Variants in ENOX1 observed in about 807,000 individuals in gnomAD.
The protein encoded by ENOX1 is ecto-NOX disulfide-thiol exchanger 1, also known as candidate growth-related and time keeping constitutive hydroquinone (NADH) oxidase.
Under a neutral mutation model 82.5 loss-of-function variants are expected in ENOX1, and 42 were observed. The observed-to-expected ratio is 0.51, with a 90% CI of 0.40 to 0.66. The LOEUF is 0.66. Ranked by LOEUF, ENOX1 falls within the 30% of genes least tolerant of loss-of-function variation. The pLI is 0.00. For missense variants in ENOX1, 608 were observed against 811.6 expected (o/e 0.75, Z 3.05); for synonymous variants, 271 against 282.2 (o/e 0.96, Z 0.40).
chr13:43,494,234 T>C (rs986904547), intron 2 of ENOX1, among the ~76,000 whole-genome samples: 3 of 152,270 alleles, frequency 2.0e-5, no homozygotes, highest in Admixed American at 1.3e-4. Flanking sequence ...ATAATCACAA[T>C]TAACTAATAC....
At chr13:43,456,557 C>T (rs976863775) in intron 3 of ENOX1, among the ~76,000 whole-genome samples, 4 of 151,984 alleles carry the variant, frequency 2.6e-5, no homozygotes, top group African/African-American at 9.7e-5. Context: ...TAAGAATCTC[C>T]AAACCCCTGC....
At chr13:43,248,273 C>T (rs1380116862) in intron 14 of ENOX1, among the ~76,000 whole-genome samples, 1 of 151,956 alleles carries the variant, frequency 6.6e-6, no homozygotes, top group Admixed American at 6.6e-5. Context: ...ACAGGCCAGA[C>T]CTCATGGGTG....
chr13:43,434,332 G>A (rs577676372), intron 3 of ENOX1, among the ~76,000 whole-genome samples: 61 of 152,304 alleles, frequency 4.0e-4, no homozygotes, highest in African/African-American at 1.4e-3. Flanking sequence ...CATCCAAGGA[G>A]CTAGTCGCTC....
chr13:43,774,392 G>A (rs1951805391), intron 1 of ENOX1, among the ~76,000 whole-genome samples: 1 of 152,150 alleles, frequency 6.6e-6, no homozygotes, highest in Admixed American at 6.5e-5. Flanking sequence ...AACGGAAAAT[G>A]GAGAAGAAAC....
intron 3 of ENOX1, among the ~76,000 whole-genome samples, chr13:43,442,292 T>C (rs1191380427): frequency 2.6e-5 from 4 of 152,256 alleles, no homozygotes; most frequent in South Asian, 2.1e-4. Context: ...TCAAGTGTTT[T>C]ATTTATGCAC....
chr13:43,313,728 TG>T (rs1352679934), intron 11 of ENOX1, among the ~76,000 whole-genome samples: 1 of 152,236 alleles, frequency 6.6e-6, no homozygotes, highest in Non-Finnish European at 1.5e-5. Context: ...CATGCTGGTT[TG>T]TAACTGCTTT....
At chr13:43,359,722 G>T in intron 7 of ENOX1, 129 bp downstream of exon 7, 1 of 857,226 alleles carries the variant, frequency 1.2e-6, no homozygotes, top group Non-Finnish European at 1.8e-6. Context: ...GAAGAAGGCA[G>T]AATTCCTCCT....
At chr13:43,467,116 G>C (rs1402586990) in intron 3 of ENOX1, among the ~76,000 whole-genome samples, 1 of 152,116 alleles carries the variant, frequency 6.6e-6, no homozygotes, top group Non-Finnish European at 1.5e-5. Flanking sequence ...GTGAATGTAT[G>C]TTTTCAGTTC....
At chr13:43,448,027 G>A (rs938416084) in intron 3 of ENOX1, among the ~76,000 whole-genome samples, 4 of 152,164 alleles carry the variant, frequency 2.6e-5, no homozygotes, top group African/African-American at 4.8e-5. Flanking sequence ...TTTCAATTAA[G>A]ACAGTAATAT....
At chr13:43,217,404 A>G (rs1045072876) in intron 16 of ENOX1, among the ~76,000 whole-genome samples, 1 of 152,180 alleles carries the variant, frequency 6.6e-6, no homozygotes, top group Non-Finnish European at 1.5e-5. Flanking sequence ...CTTGGCTAGC[A>G]TGTACTGAAA....
At chr13:43,616,602 A>G (rs1402932797) in intron 2 of ENOX1, among the ~76,000 whole-genome samples, 1 of 152,126 alleles carries the variant, frequency 6.6e-6, no homozygotes, top group Non-Finnish European at 1.5e-5. Flanking sequence ...TAATTGACAC[A>G]TGACCTAGGA....
intron 10 of ENOX1, 56 bp downstream of exon 10, chr13:43,326,363 T>C (rs2048115415): frequency 6.8e-7 from 1 of 1,478,044 alleles, no homozygotes; most frequent in African/African-American, 1.4e-5. Context: ...GCCATGCTAT[T>C]CTCTGCCAAT....
intron 2 of ENOX1, among the ~76,000 whole-genome samples, chr13:43,658,205 T>C (rs544796738): frequency 1.3e-4 from 20 of 152,372 alleles, no homozygotes; most frequent in Non-Finnish European, 2.6e-4. Flanking sequence ...TGAAGTTTTA[T>C]ATCTACTTAA....
chr13:43,371,213 G>A (rs1272983476), intron 5 of ENOX1, among the ~76,000 whole-genome samples: 1 of 152,164 alleles, frequency 6.6e-6, no homozygotes, highest in Non-Finnish European at 1.5e-5. Flanking sequence ...TTATGGTGCG[G>A]GAGCAGACAG....
chr13:43,314,749 T>C (rs1380787796), intron 11 of ENOX1, among the ~76,000 whole-genome samples: 1 of 152,218 alleles, frequency 6.6e-6, no homozygotes, highest in Non-Finnish European at 1.5e-5. Context: ...AGATACTATT[T>C]TTCCACTACC....
At chr13:43,705,242 C>T (rs922558344) in intron 1 of ENOX1, among the ~76,000 whole-genome samples, 3 of 150,740 alleles carry the variant, frequency 2.0e-5, no homozygotes, top group African/African-American at 7.3e-5. Context: ...GCCAAGATTG[C>T]ACCACTGCAC....
chr13:43,312,538 T>C (rs2047264004), intron 11 of ENOX1, among the ~76,000 whole-genome samples: 1 of 152,170 alleles, frequency 6.6e-6, no homozygotes, highest in Admixed American at 6.5e-5. Context: ...CATTTTTCTC[T>C]TTATCTTTTT....
At chr13:43,248,038 A>G (rs1488420985) in intron 14 of ENOX1, among the ~76,000 whole-genome samples, 2 of 148,152 alleles carry the variant, frequency 1.3e-5, no homozygotes, top group African/African-American at 5.0e-5. Flanking sequence ...GGCGCCCGCC[A>G]CTACGCCTGT....
At chr13:43,421,190 C>T (rs1396706812) in intron 3 of ENOX1, among the ~76,000 whole-genome samples, 2 of 152,116 alleles carry the variant, frequency 1.3e-5, no homozygotes, top group African/African-American at 4.8e-5. Flanking sequence ...CCCATGAAAT[C>T]AAAAGGTCTT....
Sources: gnomAD v4.1 joint callset for allele counts (sites outside exome capture counted in the v4.1 genomes callset) on GRCh38, gnomAD v4.1.1 for gene constraint, MANE v1.5 for transcripts, NCBI Gene and HGNC (gene_info 2026-07-23, HGNC 2026-07-21) for gene names.